The following FARP2 variants were observed in gnomAD, a reference collection of about 807,000 sequenced individuals.
The protein encoded by FARP2 is FERM, ARHGEF and pleckstrin domain-containing protein 2.
A neutral mutation model predicts 130.5 loss-of-function variants in FARP2; 111 were observed. That is an observed-to-expected ratio of 0.85 (90% CI 0.73 to 1.00). The LOEUF (loss-of-function observed/expected upper bound fraction) is 1.00, where lower values mean the gene tolerates loss of function less well. FARP2 is among the 50% of genes least tolerant of loss of function. FARP2 has a pLI of 0.00. For missense variants in FARP2, 1,385 were observed against 1,346.3 expected (o/e 1.03, Z -0.45); for synonymous variants, 504 against 516.9 (o/e 0.98, Z 0.34).
intron 12 of FARP2, among the ~76,000 whole-genome samples, chr2:241,437,670 A>ATTTATTTTTT (rs1553723709): frequency 7.5e-6 from 1 of 133,112 alleles, no homozygotes; most frequent in Non-Finnish European, 1.6e-5. Context: ...TTATTTATTT[A>ATTTATTTTTT]TTTTTTTTTT....
chr2:241,493,153 C>A (rs954377435), intron 25 of FARP2, 117 bp downstream of exon 25: 2 of 1,170,418 alleles, frequency 1.7e-6, no homozygotes, highest in African/African-American at 1.5e-5. Context: ...GCCCACACAC[C>A]CTGTGCTGTG....
At chr2:241,452,793 T>C (rs1404207629) in intron 13 of FARP2, among the ~76,000 whole-genome samples, 1 of 150,996 alleles carries the variant, frequency 6.6e-6, no homozygotes, top group Non-Finnish European at 1.5e-5. Flanking sequence ...ATACAAAAAT[T>C]AGCTGGGCAT....
intron 2 of FARP2, among the ~76,000 whole-genome samples, chr2:241,385,434 T>C (rs561397332): frequency 2.0e-5 from 3 of 152,280 alleles, no homozygotes; most frequent in Non-Finnish European, 4.4e-5. Flanking sequence ...TCAATATAAA[T>C]GAGTAGGATG....
chr2:241,491,886 G>C (rs1183235514), intron 24 of FARP2, among the ~76,000 whole-genome samples: 2 of 152,180 alleles, frequency 1.3e-5, no homozygotes, highest in South Asian at 2.1e-4. Context: ...TTCAGGTCTG[G>C]TGTCTGATGA....
intron 24 of FARP2, 49 bp downstream of exon 24, chr2:241,491,728 G>A (rs1337169977): frequency 1.3e-6 from 2 of 1,533,860 alleles, no homozygotes; most frequent in South Asian, 1.3e-5. Flanking sequence ...GTTCCCAGCT[G>A]TCTCTGCACT....
intron 17 of FARP2, chr2:241,466,193 C>A: frequency 1.0e-6 from 1 of 985,372 alleles, no homozygotes; most frequent in African/African-American, 1.7e-5. Flanking sequence ...CCTCACGGGG[C>A]ATAAGGTCAG....
chr2:241,425,182 G>A (rs990578878), intron 8 of FARP2, among the ~76,000 whole-genome samples: 6 of 152,086 alleles, frequency 3.9e-5, no homozygotes, highest in Non-Finnish European at 5.9e-5. Flanking sequence ...ACTCCAGTCT[G>A]GGCGATGAAG....
In FARP2 at chr2:241,468,294, A is replaced by G; in HGVS notation, c.2048A>G (p.Gln683Arg). 1.2e-6 allele frequency: 2 copies of G among 1,613,666 alleles called. No homozygotes were observed. ...PLNTFLLKPIQRLLHYRLLLR... is the reference protein window; with the variant it reads ...PLNTFLLKPIRRLLHYRLLLR... ...AACACGTTCCTGCTGAAGCCCATCC[A>G]GCGGCTGCTGCACTACCGCCTGCTG... Residue 683 changes from glutamine (Q) to arginine (R), a missense_variant, in exon 18 of 27, where the codon CAG (glutamine) becomes CGG (arginine). Transcript: ENST00000264042.
At chr2:241,445,076 C>T (rs949036770) in intron 13 of FARP2, 1 of 152,012 alleles carries the variant, frequency 6.6e-6, no homozygotes, top group African/African-American at 2.4e-5. Context: ...ACTACAGGCA[C>T]ACATCACTGC....
rs1274806686 is a variant in FARP2 at position 241,436,549 on chromosome 2, TC to T, written c.1158+13del. ...GACCTACCAAAACAGGTTAGTCTCT[TC>T]CGGTTCAACATGGGGGCAGTAGGAG... On this transcript the variant is annotated intron_variant, in intron 12 of 26. Transcript: ENST00000264042. 1 of 1,613,230 alleles carries T rather than the reference TC, an allele frequency of 6.2e-7. No individual in the cohort carries two copies. Among genetic ancestry groups the T allele is most frequent in the Admixed American group, 1.7e-5 (1 of 60,024 alleles).
At chr2:241,413,281 A>T in intron 6 of FARP2, 26 bp from the exon 7 acceptor site, 1 of 1,387,286 alleles carries the variant, frequency 7.2e-7, no homozygotes, top group Non-Finnish European at 1.0e-6. Flanking sequence ...TTTAAAAATT[A>T]GTTACTTACT....
chr2:241,490,136 GGA>G, intron 22 of FARP2, 92 bp downstream of exon 22: 1 of 902,046 alleles, frequency 1.1e-6, no homozygotes, highest in Non-Finnish European at 1.9e-6. Flanking sequence ...TGAGCTGTGA[GGA>G]GCCATGTAGC....
At chr2:241,373,952 GA>G (rs746886556) in intron 2 of FARP2, among the ~76,000 whole-genome samples, 6 of 151,550 alleles carry the variant, frequency 4.0e-5, no homozygotes, top group African/African-American at 7.3e-5. Context: ...TGATGTATTA[GA>G]AAACATTTTT....
intron 24 of FARP2, among the ~76,000 whole-genome samples, chr2:241,492,137 C>G (rs1449284886): frequency 6.6e-6 from 1 of 152,214 alleles, no homozygotes; most frequent in Admixed American, 6.5e-5. Flanking sequence ...GGTGCCCCCA[C>G]ACCCTTCCCC....
At chr2:241,408,756 A>G (rs73004339) in intron 5 of FARP2, among the ~76,000 whole-genome samples, 4,144 of 152,272 alleles carry the variant, frequency 0.027, 76 homozygotes, top group Non-Finnish European at 0.046. Context: ...TCTGGCTAAA[A>G]GTGTACTCAT....
rs977905705 is a variant in FARP2 at position 241,475,819 on chromosome 2, C to T, written c.2132-38C>T. The T allele has an allele frequency of 6.4e-7, 1 of 1,568,588 alleles. No homozygotes were observed. The highest frequency in any genetic ancestry group is 8.6e-7 in the Non-Finnish European group (1 of 1,157,140). ...TGGGTGGAGGGTGCTGTGCACACCA[C>T]TGCCTGTACACCTGTACTGAGGGGT... On this transcript the variant is annotated intron_variant, in intron 18 of 26. Transcript: ENST00000264042. This position sits in a 1 kb window ranked among gnomAD's most constrained non-coding sequence, Gnocchi z 4.4.
At chr2:241,461,515 C>T (rs544858255) in intron 14 of FARP2, among the ~76,000 whole-genome samples, 6 of 152,334 alleles carry the variant, frequency 3.9e-5, no homozygotes, top group Non-Finnish European at 5.9e-5. Flanking sequence ...ACAGGCTGCC[C>T]GGTCTGCTCT....
intron 1 of FARP2, among the ~76,000 whole-genome samples, chr2:241,358,174 G>A (rs1265070045): frequency 6.6e-6 from 1 of 152,194 alleles, no homozygotes; most frequent in Non-Finnish European, 1.5e-5. Context: ...GGGCGACAGA[G>A]CGAGACTCTG....
rs569647957 is a variant in FARP2 at position 241,427,710 on chromosome 2, A to T, written c.772-3969A>T. Among the ~76,000 whole-genome samples the T allele has an allele frequency of 1.3e-3, 202 of 152,158 alleles. 1 individual carries two copies. Among genetic ancestry groups the T allele is most frequent in the African/African-American group, 4.6e-3 (193 of 41,512 alleles). ...GCAGTTATTTGGGGGCCTCTGAGCT[A>T]TTGTTGGCCCACTTCTTGGGAGGGC... On this transcript the variant is annotated intron_variant, in intron 8 of 26. Coordinates refer to ENST00000264042, the MANE Select transcript of FARP2 (RefSeq NM_014808.4).
Sources: allele counts gnomAD v4.1 joint callset (sites outside exome capture counted in the v4.1 genomes callset), GRCh38; gene constraint gnomAD v4.1.1; non-coding constraint Gnocchi (gnomAD v3.1); transcripts MANE v1.5; gene names NCBI Gene and HGNC (gene_info 2026-07-23, HGNC 2026-07-21).